Variants in DNMT3A observed in about 807,000 individuals in gnomAD.
DNMT3A encodes DNA methyltransferase 3 alpha.
Under a neutral mutation model 117.6 loss-of-function variants are expected in DNMT3A, and 267 were observed. The ratio of observed to expected loss-of-function variants is 2.27; its 90% CI spans 2.05 to 2.51. The LOEUF is 2.51. DNMT3A is among the 30% of genes most tolerant of loss of function. DNMT3A has a pLI of 0.00. For synonymous variants in DNMT3A, 432 were observed against 474.8 expected (o/e 0.91, Z 1.17); for missense variants, 1,029 against 1,260.2 (o/e 0.82, Z 2.78).
rs924508900 is a variant in DNMT3A at position 25,238,993 on chromosome 2, A to G, written c.2408+137T>C. ...CCTCTTCCTCCTCAAGGAAAAGGAA[A>G]TAAGGAACATGGCAGAGCAGCTAGT... is the stretch of plus-strand genomic sequence containing the variant. On this transcript the variant is annotated intron_variant, in intron 20 of 22. Transcript: ENST00000321117. 34 of 681,392 alleles carry G rather than the reference A, an allele frequency of 5.0e-5. No homozygotes were observed. In the African/African-American group the frequency reaches 5.6e-4, roughly 11 times the overall value. 42.2% of individuals were successfully genotyped at this position (681,392 alleles called of 1,614,324 possible).
At chr2:25,338,707 G>A (rs1202856851) in intron 1 of DNMT3A, among the ~76,000 whole-genome samples, 4 of 152,182 alleles carry the variant, frequency 2.6e-5, no homozygotes, top group Non-Finnish European at 5.9e-5. Context: ...ACATGCAGCA[G>A]CCCAGGTAAG....
At chr2:25,312,307 C>T (rs914053825) in intron 2 of DNMT3A, among the ~76,000 whole-genome samples, 1 of 152,186 alleles carries the variant, frequency 6.6e-6, no homozygotes, top group Non-Finnish European at 1.5e-5. Context: ...CCTAGGGGCC[C>T]GCAGGTATCC....
chr2:25,258,147 C>T (rs1676319107), intron 6 of DNMT3A, among the ~76,000 whole-genome samples: 1 of 152,242 alleles, frequency 6.6e-6, no homozygotes, highest in African/African-American at 2.4e-5. Flanking sequence ...GGCTAGGAAT[C>T]TGGTTCTCAG....
chr2:25,247,459 C>A lies in DNMT3A; in HGVS notation c.1014+132G>T, dbSNP rs1674949615. 1 of 1,384,458 alleles carries A rather than the reference C, an allele frequency of 7.2e-7. No individual in the cohort carries two copies. The highest frequency in any genetic ancestry group is 1.4e-5 in the African/African-American group (1 of 69,078). The allele number at this position is 1,384,458 out of a possible 1,614,324, so 85.8% of individuals were successfully genotyped here. On this transcript the variant is annotated intron_variant, in intron 8 of 22. Coordinates refer to ENST00000321117, the MANE Select transcript of DNMT3A (RefSeq NM_022552.5). The surrounding 1 kb of genome is among the most constrained non-coding windows in gnomAD (Gnocchi z 5.6). ...TTATCCCTACAGCTTCTTCCACCCA[C>A]CACAGGCAGAGTAGGGGTGAGCAGA...
rs1674463320 is a variant in DNMT3A, at chr2:25,244,323, C to T, written c.1683G>A (p.Glu561=). ...CCGGCCCCACCAAGAGGTCCACACA[C>T]TCCACGCAAAAGCACCTGGAAGGAG... ...NNNCCRCFCV[E]CVDLLVGPGA... The change falls in exon 15 of 23, where the codon GAG becomes GAA. Residue 561 remains glutamate, a synonymous_variant. Coordinates refer to ENST00000321117, the MANE Select transcript of DNMT3A (RefSeq NM_022552.5). 1.9e-6 allele frequency: 3 copies of T among 1,608,092 alleles called. No homozygotes were observed. The highest frequency in any genetic ancestry group is 2.5e-6 in the Non-Finnish European group (3 of 1,177,424).
chr2:25,284,508 G>A (rs1479462498), intron 3 of DNMT3A, among the ~76,000 whole-genome samples: 1 of 151,732 alleles, frequency 6.6e-6, no homozygotes, highest in Admixed American at 6.6e-5. Context: ...TTAGCTGGGT[G>A]TGGTGGTGCA....
intron 6 of DNMT3A, among the ~76,000 whole-genome samples, chr2:25,273,811 A>G (rs1351731442): frequency 6.6e-6 from 1 of 152,130 alleles, no homozygotes; most frequent in Non-Finnish European, 1.5e-5. Context: ...AGCTTTCCCT[A>G]GGGCTGGGCA....
chr2:25,272,866 A>G (rs1264368822), intron 6 of DNMT3A, among the ~76,000 whole-genome samples: 1 of 147,514 alleles, frequency 6.8e-6, no homozygotes. Flanking sequence ...CAGTGGCTCA[A>G]TCTCGCCTCA....
intron 4 of DNMT3A, among the ~76,000 whole-genome samples, chr2:25,277,982 C>T (rs1365672092): frequency 2.0e-5 from 3 of 149,804 alleles, no homozygotes; most frequent in South Asian, 2.1e-4. Flanking sequence ...ACAGACTCTG[C>T]GCATGCCCAC....
Position 25,244,535 on chromosome 2 carries a change from C to T in DNMT3A, c.1667+5G>A, listed in dbSNP as rs1674495842. The T allele has an allele frequency of 1.6e-5, 26 of 1,613,808 alleles. No homozygotes were observed. In the East Asian group the frequency reaches 4.5e-4, roughly 28 times the overall value. On this transcript the variant is annotated splice_donor_5th_base_variant and intron_variant, in intron 14 of 22. Coordinates refer to ENST00000321117, the MANE Select transcript of DNMT3A (RefSeq NM_022552.5). ...GGAGACCACTGGAGGCCACAACAGC[C>T]TCACCTGCAGCAGTTGTTGTTTCCG... is the stretch of plus-strand genomic sequence containing the variant.
At position 25,257,446 on chromosome 2, in the gene DNMT3A, G is replaced by A. The variant is rs1421693388; in HGVS notation, c.640-9194C>T. ...GCCTCTGCTTGGAGCTTGTTGTTAT[G>A]GCAACATCCCCCCTTCCTGTCATTC... On this transcript the variant is annotated intron_variant, in intron 6 of 22. Coordinates refer to ENST00000321117, the MANE Select transcript of DNMT3A (RefSeq NM_022552.5). The surrounding 1 kb of genome is among the most constrained non-coding windows in gnomAD (Gnocchi z 4.8). Among the ~76,000 whole-genome samples the A allele has an allele frequency of 6.6e-6, 1 of 152,116 alleles. No homozygotes were observed. The highest frequency in any genetic ancestry group is 1.9e-4 in the East Asian group (1 of 5,186).
At chr2:25,341,799 C>T (rs1184864160) in intron 1 of DNMT3A, 27 bp downstream of exon 1, 28 of 979,854 alleles carry the variant, frequency 2.9e-5, no homozygotes, top group Non-Finnish European at 3.4e-5. Context: ...GCCGGCCTTC[C>T]GGGCCGCCAG....
chr2:25,300,717 ATATATATATATATATATATATAT>A (rs2033429042), intron 2 of DNMT3A, among the ~76,000 whole-genome samples: 1 of 3,882 alleles, frequency 2.6e-4, no homozygotes, highest in Non-Finnish European at 5.8e-4. Context: ...AATATAATAT[ATATATATATATATATATATATAT>A]ATATATATAT....
intron 1 of DNMT3A, chr2:25,314,495 C>T (rs539176102): frequency 1.0e-6 from 1 of 979,712 alleles, no homozygotes; most frequent in Non-Finnish European, 1.2e-6. Flanking sequence ...CATCCTCCCT[C>T]CCACCCCAAC....
rs1476585795 is a variant in DNMT3A at position 25,234,546 on chromosome 2, C to G, written c.2598-126G>C. 1.6e-5 allele frequency: 18 copies of G among 1,098,766 alleles called. No individual in the cohort carries two copies. Among genetic ancestry groups the G allele is most frequent in the Non-Finnish European group, 2.2e-5 (17 of 789,708 alleles). The allele number at this position is 1,098,766 out of a possible 1,614,324, so 68.1% of individuals were successfully genotyped here. ...CCCGAAGTGCAGGGACAGGGGCACT[C>G]ACACCCACCAACTCCTCTGACGCCT... On this transcript the variant is annotated intron_variant, in intron 22 of 22. Transcript: ENST00000321117. This position sits in a 1 kb window ranked among gnomAD's most constrained non-coding sequence, Gnocchi z 4.5.
Position 25,282,401 on chromosome 2 carries a change from G to A in DNMT3A, c.448+40C>T. On this transcript the variant is annotated intron_variant, in intron 4 of 22. Coordinates refer to ENST00000321117, the MANE Select transcript of DNMT3A (RefSeq NM_022552.5). The surrounding 1 kb of genome is among the most constrained non-coding windows in gnomAD (Gnocchi z 5.2). ...AGTCCCTGACTCTCAGGGTATGCTG[G>A]TGGGCCCAGAAGAGGCTGCCCCTGG... 1 of 1,598,106 alleles carries A rather than the reference G, an allele frequency of 6.3e-7. No homozygotes were observed. Among genetic ancestry groups the A allele is most frequent in the Middle Eastern group, 1.8e-4 (1 of 5,624 alleles).
chr2:25,244,071 C>T, intron 15 of DNMT3A, 84 bp downstream of exon 15: 1 of 1,594,612 alleles, frequency 6.3e-7, no homozygotes, highest in Non-Finnish European at 8.6e-7. Context: ...GCTCCTAGAC[C>T]CACACACCCT....
At position 25,243,935 on chromosome 2, in the gene DNMT3A, G is replaced by A. The variant is rs1279817163; in HGVS notation, c.1899C>T (p.Pro633=). ...YPPVPAEKRK[P]IRVLSLFDGI... is the part of the protein sequence containing the mutation. ...CATCAAAGAGAGACAGCACCCGGATGGGCTTCCTCTTCTCAGCTGGGACAG... is the reference window on the plus strand; with the variant it reads ...CATCAAAGAGAGACAGCACCCGGATAGGCTTCCTCTTCTCAGCTGGGACAG... Residue 633 remains proline (P), a synonymous_variant, in exon 16 of 23, where the codon CCC becomes CCT. Coordinates refer to ENST00000321117, the MANE Select transcript of DNMT3A (RefSeq NM_022552.5). The A allele has an allele frequency of 2.6e-6, 4 of 1,552,508 alleles. No homozygotes were observed. Among genetic ancestry groups the A allele is most frequent in the East Asian group, 2.4e-5 (1 of 41,154 alleles).
intron 6 of DNMT3A, among the ~76,000 whole-genome samples, chr2:25,270,154 A>G (rs1558693924): frequency 6.6e-6 from 1 of 152,164 alleles, no homozygotes; most frequent in Non-Finnish European, 1.5e-5. Flanking sequence ...ACAAACTCCC[A>G]TTCCTGAAAA....
Sources: allele counts gnomAD v4.1 joint callset (sites outside exome capture counted in the v4.1 genomes callset), GRCh38; gene constraint gnomAD v4.1.1; non-coding constraint Gnocchi (gnomAD v3.1); transcripts MANE v1.5; gene names NCBI Gene and HGNC (gene_info 2026-07-23, HGNC 2026-07-21).